The following NRXN1 variants were observed in gnomAD, a reference collection of about 807,000 sequenced individuals.
The protein encoded by NRXN1 is neurexin-1.
NRXN1 carries 39 observed loss-of-function variants against 150.9 expected under a neutral mutation model. That is an observed-to-expected ratio of 0.26 (90% CI 0.20 to 0.34). NRXN1 has a LOEUF of 0.34. NRXN1 is among the 10% of genes least tolerant of loss of function. The pLI is 1.00. For missense variants in NRXN1, 1,815 were observed against 1,949.9 expected (o/e 0.93, Z 1.30); for synonymous variants, 924 against 757.0 (o/e 1.22, Z -3.62).
chr2:50,910,284 C>G (rs919216282), intron 5 of NRXN1, among the ~76,000 whole-genome samples: 1 of 151,988 alleles, frequency 6.6e-6, no homozygotes, highest in Non-Finnish European at 1.5e-5. Context: ...ACACCCAATA[C>G]TCTGCCACAT....
chr2:50,766,922 T>C (rs1702454196), intron 5 of NRXN1, among the ~76,000 whole-genome samples: 1 of 152,136 alleles, frequency 6.6e-6, no homozygotes, highest in African/African-American at 2.4e-5. Flanking sequence ...AATAACTTTG[T>C]TCATACCAAC....
At chr2:50,710,170 T>C (rs767022212) in intron 5 of NRXN1, among the ~76,000 whole-genome samples, 1 of 152,204 alleles carries the variant, frequency 6.6e-6, no homozygotes, top group African/African-American at 2.4e-5. Flanking sequence ...AGACTTGTAT[T>C]ACCACTGAAG....
intron 12 of NRXN1, among the ~76,000 whole-genome samples, chr2:50,515,089 C>T (rs10187101): frequency 0.35 from 52,795 of 151,950 alleles, 9,753 homozygotes; most frequent in Middle Eastern, 0.5. Context: ...GTATTTACAG[C>T]CGCTCTCCAT....
At chr2:50,582,698 T>C (rs897557150) in intron 8 of NRXN1, among the ~76,000 whole-genome samples, 4 of 151,804 alleles carry the variant, frequency 2.6e-5, no homozygotes, top group East Asian at 1.9e-4. Flanking sequence ...GTACCTTATA[T>C]ATTTAGGTTT....
intron 5 of NRXN1, among the ~76,000 whole-genome samples, chr2:50,830,920 C>A (rs188196291): frequency 6.6e-6 from 1 of 151,848 alleles, no homozygotes; most frequent in Non-Finnish European, 1.5e-5. Flanking sequence ...TTCGTAGCAG[C>A]GCTATTTATT....
chr2:49,977,969 C>T (rs1679275979), intron 21 of NRXN1, among the ~76,000 whole-genome samples: 1 of 152,080 alleles, frequency 6.6e-6, no homozygotes, highest in African/African-American at 2.4e-5. Context: ...TGACACCATC[C>T]TGGCCAACAT....
chr2:50,909,997 T>C (rs1684297985), intron 5 of NRXN1, among the ~76,000 whole-genome samples: 1 of 151,630 alleles, frequency 6.6e-6, no homozygotes, highest in Non-Finnish European at 1.5e-5. Context: ...TCAGCATTCT[T>C]AGACTAGCCT....
intron 17 of NRXN1, among the ~76,000 whole-genome samples, chr2:50,324,013 G>A (rs2076218997): frequency 1.3e-5 from 2 of 152,188 alleles, no homozygotes; most frequent in South Asian, 2.1e-4. Context: ...GGAAAACTAC[G>A]TAAACATATA....
chr2:50,052,713 G>A lies in NRXN1; in HGVS notation c.4128+558C>T, dbSNP rs55992842. Among the ~76,000 whole-genome samples the A allele has an allele frequency of 1.0e-3, 157 of 152,220 alleles. 2 individuals are homozygous for A. Among genetic ancestry groups the A allele is most frequent in the African/African-American group, 3.6e-3 (148 of 41,566 alleles). On this transcript the variant is annotated intron_variant, in intron 21 of 22. Coordinates refer to ENST00000401669, the MANE Select transcript of NRXN1 (RefSeq NM_001330078.2). ...AATACCTCATATTTTGGGTTTGTGT[G>A]CTCAGATAAACCAATAGAATGTTTT...
chr2:50,359,838 TGTCAAGGGCACGCAGAGAGAAAG>T (rs2079066682), intron 17 of NRXN1, among the ~76,000 whole-genome samples: 1 of 151,856 alleles, frequency 6.6e-6, no homozygotes, highest in South Asian at 2.1e-4. Context: ...AAGGAAAAAA[TGTCAAGGGCACGCAGAGAGAAAG>T]GTTGGGCTAC....
chr2:50,190,014 G>C (rs943198633), intron 18 of NRXN1, among the ~76,000 whole-genome samples: 2 of 152,068 alleles, frequency 1.3e-5, no homozygotes, highest in African/African-American at 4.8e-5. Context: ...AAGGCTGAAA[G>C]AATCAGAAAT....
At chr2:50,681,876 A>AAAT (rs74610225) in intron 5 of NRXN1, among the ~76,000 whole-genome samples, 91,117 of 151,732 alleles carry the variant, frequency 0.6, 27,407 homozygotes, top group South Asian at 0.64. Flanking sequence ...ATAGTAATTA[A>AAAT]AATTGTGTTC....
chr2:50,469,895 C>T (rs1558785984), intron 16 of NRXN1, among the ~76,000 whole-genome samples: 1 of 151,044 alleles, frequency 6.6e-6, no homozygotes, highest in Non-Finnish European at 1.5e-5. Context: ...TCATCTTAAC[C>T]AAATTCCTTA....
chr2:50,328,663 G>C (rs1180088010), intron 17 of NRXN1, among the ~76,000 whole-genome samples: 1 of 152,168 alleles, frequency 6.6e-6, no homozygotes. Context: ...TTGAAACCAG[G>C]AGGCAGAGGT....
chr2:50,250,920 T>G lies in NRXN1; in HGVS notation c.3365-13950A>C, dbSNP rs188810715. On this transcript the variant is annotated intron_variant, in intron 17 of 22. Coordinates refer to ENST00000401669, the MANE Select transcript of NRXN1 (RefSeq NM_001330078.2). ...ATGTAATTGTATATTTATTACACAT[T>G]GCATATGTAATAAATTTATTACATA... 3.6e-3 allele frequency among the ~76,000 whole-genome samples: 538 copies of G among 151,198 alleles called. 2 individuals carry two copies. Among genetic ancestry groups the G allele is most frequent in the African/African-American group, 0.012 (495 of 41,102 alleles).
intron 18 of NRXN1, among the ~76,000 whole-genome samples, chr2:50,131,905 T>TC (rs36072033): frequency 0.54 from 81,765 of 151,958 alleles, 22,321 homozygotes; most frequent in Admixed American, 0.61. Flanking sequence ...CACTAGACGG[T>TC]CCAACAGCTC....
chr2:50,560,459 T>TATTTATTTATTTATTTATTG (rs146788159), intron 8 of NRXN1, among the ~76,000 whole-genome samples: 155 of 150,188 alleles, frequency 1.0e-3, no homozygotes, highest in Middle Eastern at 3.4e-3. Context: ...TTTATTTACT[T>TATTTATTTATTTATTTATTG]AGAAGCCGTC....
At chr2:50,431,366 C>T (rs2084951446) in intron 17 of NRXN1, among the ~76,000 whole-genome samples, 1 of 152,046 alleles carries the variant, frequency 6.6e-6, no homozygotes, top group Non-Finnish European at 1.5e-5. Context: ...TTAAAAACTC[C>T]CTTGGTTCTT....
chr2:50,550,119 A>G (rs1469933196), intron 9 of NRXN1, among the ~76,000 whole-genome samples: 3 of 152,192 alleles, frequency 2.0e-5, no homozygotes, highest in African/African-American at 7.2e-5. Context: ...TATAGTTAGA[A>G]AATTCCTCAT....
Sources: allele counts gnomAD v4.1 joint callset (sites outside exome capture counted in the v4.1 genomes callset), GRCh38; gene constraint gnomAD v4.1.1; transcripts MANE v1.5; gene names NCBI Gene and HGNC (gene_info 2026-07-23, HGNC 2026-07-21).